The following KHK variants were observed in gnomAD, a reference collection of about 807,000 sequenced individuals.
KHK encodes the protein ketohexokinase.
In KHK, 37 loss-of-function variants were observed where a neutral mutation model predicts 36.0. The observed-to-expected ratio is 1.03, with a 90% CI of 0.79 to 1.35. The LOEUF (loss-of-function observed/expected upper bound fraction) is 1.35. Ranked by LOEUF, KHK falls within the 40% of genes most tolerant of loss-of-function variation. The probability of loss-of-function intolerance (pLI) is 0.00; values close to 1 mark genes in which losing one functional copy is unlikely to be tolerated. For missense variants in KHK, 395 were observed against 391.9 expected (o/e 1.01, Z -0.07); for synonymous variants, 161 against 162.8 (o/e 0.99, Z 0.08).
At chr2:27,097,896 C>A (rs1670484308) in intron 5 of KHK, among the ~76,000 whole-genome samples, 1 of 152,152 alleles carries the variant, frequency 6.6e-6, no homozygotes, top group African/African-American at 2.4e-5. Flanking sequence ...TAAGAATGCC[C>A]AGAGGGCTTG....
Position 27,092,566 on chromosome 2 carries a change from G to A in KHK, c.209+118G>A, listed in dbSNP as rs139501442. 1,201 of 771,144 alleles carry A rather than the reference G, an allele frequency of 1.6e-3. 16 individuals are homozygous for A. In the African/African-American group the frequency reaches 0.019, roughly 12 times the overall value. 47.8% of individuals were successfully genotyped at this position (771,144 alleles called of 1,614,324 possible). A position where few individuals can be genotyped will look rare whatever the true frequency, so the allele number is the denominator to read the frequency against. On this transcript the variant is annotated intron_variant, in intron 2 of 7. Coordinates refer to ENST00000260598, the MANE Select transcript of KHK (RefSeq NM_006488.3). ...GAAATGGGTTGTGTCCAGCAGAAAC[G>A]CGGGGAGGGGGCATGGCGGAGCACC...
At chr2:27,096,086 T>C (rs1212136875) in intron 3 of KHK, among the ~76,000 whole-genome samples, 1 of 152,140 alleles carries the variant, frequency 6.6e-6, no homozygotes, top group African/African-American at 2.4e-5. Context: ...CACACAGCTA[T>C]AGTTAAGTGG....
chr2:27,098,546 CAGG>C (rs1176411023), intron 5 of KHK, among the ~76,000 whole-genome samples: 4 of 151,572 alleles, frequency 2.6e-5, no homozygotes, highest in Admixed American at 1.3e-4. Context: ...GAGGCTGAGG[CAGG>C]AGGATTGCAG....
intron 3 of KHK, 65 bp downstream of exon 3, chr2:27,094,999 T>G: frequency 6.3e-7 from 1 of 1,588,778 alleles, no homozygotes; most frequent in Non-Finnish European, 8.6e-7. Context: ...GTTCCCTCAC[T>G]CGCCACCATG....
At position 27,099,969 on chromosome 2, in the gene KHK, A is replaced by C; in HGVS notation, c.*219A>C. On this transcript the variant is annotated 3_prime_UTR_variant, in exon 8 of 8. Transcript: ENST00000260598. ...GAGCAAATAAATCTTCCTCAGAGCC[A>C]GCTTCTCCTCTCAATGTCTGAACTG... The C allele has an allele frequency of 1.0e-6, 1 of 992,218 alleles. No homozygotes were observed. The highest frequency in any genetic ancestry group is 1.5e-6 in the Non-Finnish European group (1 of 650,528). The allele number at this position is 992,218 out of a possible 1,614,324, so 61.5% of individuals were successfully genotyped here. A position where few individuals can be genotyped will look rare whatever the true frequency, so the allele number is the denominator to read the frequency against.
intron 2 of KHK, among the ~76,000 whole-genome samples, chr2:27,093,227 AC>A (rs1670119223): frequency 6.6e-6 from 1 of 152,216 alleles, no homozygotes; most frequent in Non-Finnish European, 1.5e-5. Context: ...CACCTGAGCT[AC>A]AGCCAAACTC....
intron 2 of KHK, chr2:27,094,099 C>T (rs1451545679): frequency 1.1e-5 from 4 of 363,514 alleles, no homozygotes; most frequent in East Asian, 7.0e-5. Context: ...TTGGGCATTG[C>T]AGGAAACAAG....
At chr2:27,094,570 C>T in intron 2 of KHK, 1 of 1,614,182 alleles carries the variant, frequency 6.2e-7, no homozygotes, top group East Asian at 2.2e-5. Flanking sequence ...CGGTCATCAT[C>T]AACGAGGCCA....
intron 3 of KHK, 99 bp from the exon 4 acceptor site, chr2:27,096,630 C>A: frequency 1.1e-6 from 1 of 905,520 alleles, no homozygotes; most frequent in Non-Finnish European, 1.9e-6. Flanking sequence ...ATGCTGCCAG[C>A]AGTGCAGGCA....
At position 27,099,379 on chromosome 2, in the gene KHK, C is replaced by A. The variant is rs182367966; in HGVS notation, c.654-41C>A. The A allele has an allele frequency of 6.8e-6, 11 of 1,611,352 alleles. No individual in the cohort carries two copies. In the South Asian group the frequency reaches 1.2e-4, roughly 18 times the overall value. On this transcript the variant is annotated intron_variant, in intron 6 of 7. Coordinates refer to ENST00000260598, the MANE Select transcript of KHK (RefSeq NM_006488.3). ...GGAGCTGGGAGGATGGCTGGGGGGA[C>A]GGGGTGGGCTAACACCCAGCTGAGT... is the stretch of plus-strand genomic sequence containing the variant.
intron 1 of KHK, among the ~76,000 whole-genome samples, chr2:27,090,144 G>T (rs768668346): frequency 6.6e-6 from 1 of 152,142 alleles, no homozygotes. Context: ...GAGCCACCGC[G>T]CCCAGCCTTT....
At chr2:27,094,376 C>T (rs1670194896) in intron 2 of KHK, 2 of 1,416,260 alleles carry the variant, frequency 1.4e-6, no homozygotes, top group South Asian at 1.2e-5. Flanking sequence ...CCTTTGCTTG[C>T]ACCCCTGCCT....
intron 2 of KHK, 157 bp from the exon 3 acceptor site, chr2:27,094,643 C>T (rs1406767534): frequency 1.2e-6 from 2 of 1,613,982 alleles, no homozygotes; most frequent in Admixed American, 1.7e-5. Context: ...TTGCCAGCTG[C>T]TGCCGCCGCC....
chr2:27,094,088 T>G, intron 2 of KHK: 6 of 355,926 alleles, frequency 1.7e-5, no homozygotes, highest in South Asian at 1.4e-4. Flanking sequence ...ATTAATCCTG[T>G]TTGGGCATTG....
At chr2:27,095,428 A>C (rs2148353551) in intron 3 of KHK, among the ~76,000 whole-genome samples, 1 of 152,270 alleles carries the variant, frequency 6.6e-6, no homozygotes, top group Non-Finnish European at 1.5e-5. Flanking sequence ...CAGCCCCCCA[A>C]AGTTTCCAGC....
Position 27,094,805 on chromosome 2 carries a change from TG to T in KHK, c.217del (p.Val73TrpfsTer58). On this transcript the variant is annotated frameshift_variant, in exon 3 of 8. Transcript: ENST00000260598. LOFTEE classifies it high-confidence loss of function. ...SMAPGHVADF[L>X]VADFRRRGVD... ...GGCCCGGCCTCCACCCTAAGCTTCC[TG>T]GTGGCCGACTTCAGGCGGCGGGGCG... 6.2e-7 allele frequency: 1 copy of T among 1,614,048 alleles called. No homozygotes were observed. The highest frequency in any genetic ancestry group is 8.5e-7 in the Non-Finnish European group (1 of 1,180,032).
In KHK at chr2:27,094,832, T is replaced by G. The variant is rs747581100; in HGVS notation, c.242T>G (p.Val81Gly). 2 of 1,613,912 alleles carry G rather than the reference T, an allele frequency of 1.2e-6. No individual in the cohort carries two copies. Among genetic ancestry groups the G allele is most frequent in the Non-Finnish European group, 1.7e-6 (2 of 1,180,054 alleles). Residue 81 changes from valine (V) to glycine (G), a missense_variant, in exon 3 of 8, where the codon GTG (valine) becomes GGG (glycine). Val to Gly is a moderately radical substitution (Grantham distance 109, BLOSUM62 -3). Coordinates refer to ENST00000260598, the MANE Select transcript of KHK (RefSeq NM_006488.3). ...FLVADFRRRG[V>G]DVSQVAWQSK... is the part of the protein sequence containing the mutation. Reference sequence around the variant, plus strand: ...GTGGCCGACTTCAGGCGGCGGGGCGTGGACGTGTCTCAGGTGGCCTGGCAG... The same window carrying G: ...GTGGCCGACTTCAGGCGGCGGGGCGGGGACGTGTCTCAGGTGGCCTGGCAG...
At chr2:27,091,957 G>C (rs1361572690) in intron 1 of KHK, among the ~76,000 whole-genome samples, 1 of 152,202 alleles carries the variant, frequency 6.6e-6, no homozygotes, top group East Asian at 1.9e-4. Context: ...AGCTCTCAAG[G>C]AGGAGGCCAA....
chr2:27,087,429 A>G, intron 1 of KHK, 78 bp downstream of exon 1: 1 of 1,171,804 alleles, frequency 8.5e-7, no homozygotes, highest in Non-Finnish European at 1.2e-6. Flanking sequence ...GAGGCTGCAG[A>G]GACCCCGCAG....
Sources: allele counts gnomAD v4.1 joint callset (sites outside exome capture counted in the v4.1 genomes callset), GRCh38; gene constraint gnomAD v4.1.1; transcripts MANE v1.5; gene names NCBI Gene and HGNC (gene_info 2026-07-23, HGNC 2026-07-21).